SHQ1: variants seen among roughly 807,000 people sequenced by gnomAD.
SHQ1 encodes SHQ1, H/ACA ribonucleoprotein assembly factor, also known as protein SHQ1 homolog.
Under a neutral mutation model 53.8 loss-of-function variants are expected in SHQ1, and 49 were observed. That is an observed-to-expected ratio of 0.91 (90% CI 0.72 to 1.16). SHQ1 has a LOEUF of 1.16. Among genes scored for constraint, SHQ1 ranks in the 50% most tolerant of loss-of-function variants. SHQ1 has a pLI of 0.00. For synonymous variants in SHQ1, 243 were observed against 251.0 expected (o/e 0.97, Z 0.30); for missense variants, 738 against 683.1 (o/e 1.08, Z -0.90).
At chr3:72,822,934 G>T (rs1559690154) in intron 6 of SHQ1, among the ~76,000 whole-genome samples, 1 of 152,128 alleles carries the variant, frequency 6.6e-6, no homozygotes, top group Non-Finnish European at 1.5e-5. Context: ...CGGATCACAA[G>T]GTCAGGAGAT....
At chr3:72,742,661 G>A in the SHQ1 span, among the ~76,000 whole-genome samples, 1 of 137,090 alleles carries the variant, frequency 7.3e-6, no homozygotes, top group South Asian at 2.2e-4. Flanking sequence ...CTGTTGTCCA[G>A]GCTGGAGTGC....
intron 7 of SHQ1, among the ~76,000 whole-genome samples, chr3:72,816,765 A>G (rs749527791): frequency 2.2e-4 from 33 of 152,244 alleles, no homozygotes; most frequent in Non-Finnish European, 3.8e-4. Context: ...CACATACTCT[A>G]TGAATTGAGG....
intron 4 of SHQ1, among the ~76,000 whole-genome samples, chr3:72,834,496 C>T (rs1375531246): frequency 6.6e-6 from 1 of 152,158 alleles, no homozygotes; most frequent in Admixed American, 6.5e-5. Flanking sequence ...TGCCACTGCA[C>T]TCCAGCTTGG....
At chr3:72,811,990 A>G (rs1188087897) in intron 9 of SHQ1, among the ~76,000 whole-genome samples, 4 of 152,202 alleles carry the variant, frequency 2.6e-5, no homozygotes, top group Non-Finnish European at 5.9e-5. Flanking sequence ...GCCCCCTTCA[A>G]AGTCATTATC....
At chr3:72,788,507 C>T (rs893066040) in intron 10 of SHQ1, among the ~76,000 whole-genome samples, 10 of 151,830 alleles carry the variant, frequency 6.6e-5, no homozygotes, top group East Asian at 5.9e-4. Flanking sequence ...GTAGGGGGGG[C>T]GCCTCTGCCC....
chr3:72,725,364 C>T, the SHQ1 span, among the ~76,000 whole-genome samples: 1 of 152,174 alleles, frequency 6.6e-6, no homozygotes, highest in East Asian at 1.9e-4. Flanking sequence ...CCTTGCTATC[C>T]TCCTGATTCT....
At chr3:72,751,502 G>C (rs1235247617) in intron 10 of SHQ1, among the ~76,000 whole-genome samples, 1 of 118,810 alleles carries the variant, frequency 8.4e-6, no homozygotes, top group African/African-American at 4.2e-5. Flanking sequence ...GTGTGTGTGT[G>C]TGTGTGTATA....
At chr3:72,827,002 T>C (rs944425210) in intron 5 of SHQ1, among the ~76,000 whole-genome samples, 21 of 152,116 alleles carry the variant, frequency 1.4e-4, no homozygotes, top group African/African-American at 5.1e-4. Context: ...GCAGACATAA[T>C]GGTGGCCTAG....
At chr3:72,797,841 G>A (rs576796073) in intron 9 of SHQ1, among the ~76,000 whole-genome samples, 7 of 152,254 alleles carry the variant, frequency 4.6e-5, no homozygotes, top group South Asian at 4.1e-4. Context: ...CTATGTCACC[G>A]TAGATGACTA....
chr3:72,740,622 T>C, the SHQ1 span, among the ~76,000 whole-genome samples: 1 of 152,166 alleles, frequency 6.6e-6, no homozygotes, highest in Admixed American at 6.5e-5. Flanking sequence ...TCCTCTGAGC[T>C]CCAAAAGTCA....
Position 72,817,356 on chromosome 3 carries a change from C to T in SHQ1, c.756G>A (p.Gln252=), listed in dbSNP as rs1300348732. 2 of 1,611,896 alleles carry T rather than the reference C, an allele frequency of 1.2e-6. No homozygotes were observed. The highest frequency in any genetic ancestry group is 1.7e-5 in the Admixed American group (1 of 59,784). ...AAGATTTATTGACAAATTTTCGTAG[C>T]TGATACTTCTCTTCTTCAGAAAAAG... ...LVSFSEEEKY[Q]LRKFVNKSYL... The change falls in exon 7 of 11, where the codon CAG becomes CAA. Residue 252 remains glutamine, a synonymous_variant. Transcript: ENST00000325599.
chr3:72,731,924 G>A, the SHQ1 span, among the ~76,000 whole-genome samples: 35,640 of 151,006 alleles, frequency 0.24, 4,843 homozygotes, highest in Non-Finnish European at 0.26. Context: ...GCTGCGTCCT[G>A]TGAGCACAGC....
At chr3:72,744,907 A>C (rs1199838218), downstream of SHQ1, among the ~76,000 whole-genome samples, 1 of 124,162 alleles carries the variant, frequency 8.1e-6, no homozygotes, top group Non-Finnish European at 1.6e-5. Flanking sequence ...ATTCCATGAC[A>C]GGTCATTTGA....
intron 9 of SHQ1, among the ~76,000 whole-genome samples, chr3:72,806,543 A>T (rs1187165312): frequency 6.6e-6 from 1 of 152,238 alleles, no homozygotes; most frequent in African/African-American, 2.4e-5. Context: ...AATAATATTT[A>T]AAAAGTAGAG....
chr3:72,743,214 T>C, the SHQ1 span, among the ~76,000 whole-genome samples: 1 of 152,214 alleles, frequency 6.6e-6, no homozygotes, highest in African/African-American at 2.4e-5. Flanking sequence ...TAAGAATCTC[T>C]TTCCTGCTCC....
chr3:72,799,937 G>T (rs1706735341), intron 9 of SHQ1, among the ~76,000 whole-genome samples: 1 of 152,052 alleles, frequency 6.6e-6, no homozygotes, highest in South Asian at 2.1e-4. Flanking sequence ...TCTTCCCCCA[G>T]CTGGTTTAAG....
chr3:72,764,167 C>T (rs148719887), intron 10 of SHQ1, among the ~76,000 whole-genome samples: 120 of 152,188 alleles, frequency 7.9e-4, no homozygotes, highest in African/African-American at 2.8e-3. Context: ...ACCCCTGTTA[C>T]AAACCCTACC....
At chr3:72,822,222 G>C (rs577002159) in intron 6 of SHQ1, among the ~76,000 whole-genome samples, 3 of 152,140 alleles carry the variant, frequency 2.0e-5, no homozygotes, top group Non-Finnish European at 4.4e-5. Flanking sequence ...CACGCTGTTC[G>C]ACACAAAGCT....
chr3:72,841,399 T>C (rs1217827392), intron 3 of SHQ1, among the ~76,000 whole-genome samples, 200 bp from the exon 4 acceptor site: 1 of 149,694 alleles, frequency 6.7e-6, no homozygotes, highest in African/African-American at 2.4e-5. Flanking sequence ...TACAATGGAA[T>C]ATTACAGAGC....
Sources: allele counts gnomAD v4.1 joint callset (sites outside exome capture counted in the v4.1 genomes callset), GRCh38; gene constraint gnomAD v4.1.1; transcripts MANE v1.5; gene names NCBI Gene and HGNC (gene_info 2026-07-23, HGNC 2026-07-21).